Variants in PARD3B observed in about 807,000 individuals in gnomAD.
PARD3B encodes the protein par-3 family cell polarity regulator beta, also known as partitioning defective 3 homolog B.
Under a neutral mutation model 130.2 loss-of-function variants are expected in PARD3B, and 103 were observed. That is an observed-to-expected ratio of 0.79 (90% CI 0.67 to 0.93). The LOEUF is 0.93. Among genes scored for constraint, PARD3B ranks in the 40% least tolerant of loss-of-function variants. The pLI, the probability that PARD3B is intolerant of heterozygous loss-of-function variation, is 0.00. For missense variants in PARD3B, 1,609 were observed against 1,499.2 expected (o/e 1.07, Z -1.21); for synonymous variants, 583 against 553.2 (o/e 1.05, Z -0.76).
At chr2:205,262,500 C>T (rs1006522382) in intron 16 of PARD3B, among the ~76,000 whole-genome samples, 6 of 152,064 alleles carry the variant, frequency 3.9e-5, no homozygotes, top group African/African-American at 1.4e-4. Context: ...ATACATCTGC[C>T]CCTCTAGCTT....
At chr2:205,218,097 T>C (rs1352258285) in intron 15 of PARD3B, among the ~76,000 whole-genome samples, 1 of 151,688 alleles carries the variant, frequency 6.6e-6, no homozygotes, top group Non-Finnish European at 1.5e-5. Context: ...TTCACCATGT[T>C]GGTCAGGCTG....
intron 4 of PARD3B, among the ~76,000 whole-genome samples, chr2:205,088,851 T>C (rs1338268493): frequency 1.3e-5 from 2 of 151,694 alleles, no homozygotes; most frequent in Admixed American, 6.6e-5. Context: ...TGGAGTGTAG[T>C]GGCCTGATCT....
chr2:204,707,628 A>G (rs866521028), intron 2 of PARD3B, among the ~76,000 whole-genome samples: 2 of 152,142 alleles, frequency 1.3e-5, no homozygotes, highest in South Asian at 2.1e-4. Flanking sequence ...TTGTGCATAC[A>G]CACAAACCTT....
intron 2 of PARD3B, among the ~76,000 whole-genome samples, chr2:204,708,380 G>A (rs1208794015): frequency 6.6e-6 from 1 of 152,160 alleles, no homozygotes; most frequent in Non-Finnish European, 1.5e-5. Context: ...ATTTCATATA[G>A]AAGAACTAAT....
chr2:205,052,423 A>ATATATATATATATATG (rs1699265104), intron 4 of PARD3B, among the ~76,000 whole-genome samples: 2 of 13,426 alleles, frequency 1.5e-4, no homozygotes, highest in East Asian at 4.8e-3. Context: ...ATATATGTAT[A>ATATATATATATATATG]TATATATATA....
chr2:205,207,368 A>G (rs1206106946), intron 15 of PARD3B, among the ~76,000 whole-genome samples: 2 of 147,746 alleles, frequency 1.4e-5, no homozygotes, highest in Non-Finnish European at 3.0e-5. Context: ...AACTAAAATC[A>G]GAGCAGAACT....
chr2:204,938,534 T>G (rs553174902), intron 2 of PARD3B, among the ~76,000 whole-genome samples: 2 of 152,352 alleles, frequency 1.3e-5, no homozygotes, highest in East Asian at 3.9e-4. Context: ...CTCTTATAAC[T>G]TCTTACACCT....
chr2:204,834,212 T>C (rs2043944526), intron 2 of PARD3B, among the ~76,000 whole-genome samples: 1 of 152,234 alleles, frequency 6.6e-6, no homozygotes, highest in Non-Finnish European at 1.5e-5. Context: ...TTTGTGAATA[T>C]TTGCTTTATG....
chr2:205,391,626 G>A (rs977149139), intron 18 of PARD3B, among the ~76,000 whole-genome samples: 1 of 152,190 alleles, frequency 6.6e-6, no homozygotes, highest in African/African-American at 2.4e-5. Flanking sequence ...TTTGAAGCCA[G>A]TGAAAGTGTA....
intron 15 of PARD3B, among the ~76,000 whole-genome samples, chr2:205,203,896 A>G (rs536352821): frequency 7.9e-5 from 12 of 152,304 alleles, no homozygotes; most frequent in Non-Finnish European, 1.6e-4. Flanking sequence ...TATTGTGAAT[A>G]GTGCCGCAAT....
intron 1 of PARD3B, among the ~76,000 whole-genome samples, chr2:204,645,877 A>G (rs2125160509): frequency 1.3e-5 from 2 of 152,152 alleles, no homozygotes; most frequent in Non-Finnish European, 2.9e-5. Flanking sequence ...TATCTGGATA[A>G]TCAATGTATT....
At chr2:204,865,671 C>G (rs780567914) in intron 2 of PARD3B, among the ~76,000 whole-genome samples, 1 of 152,084 alleles carries the variant, frequency 6.6e-6, no homozygotes, top group South Asian at 2.1e-4. Flanking sequence ...AAAGACTACA[C>G]CTTGGGTACA....
intron 2 of PARD3B, among the ~76,000 whole-genome samples, chr2:204,762,334 G>C (rs984773965): frequency 1.3e-5 from 2 of 151,708 alleles, no homozygotes; most frequent in Admixed American, 6.6e-5. Context: ...GGATGGTCTC[G>C]ATCTCCTGTC....
intron 1 of PARD3B, among the ~76,000 whole-genome samples, chr2:204,655,162 G>C (rs1376915666): frequency 1.3e-5 from 2 of 152,134 alleles, no homozygotes; most frequent in Non-Finnish European, 2.9e-5. Flanking sequence ...TCTCCCCTTA[G>C]TTCTATAGCT....
At chr2:205,167,062 C>CT (rs1342391812) in intron 11 of PARD3B, among the ~76,000 whole-genome samples, 1 of 152,180 alleles carries the variant, frequency 6.6e-6, no homozygotes, top group African/African-American at 2.4e-5. Flanking sequence ...CCTTGGCTTT[C>CT]TTACTTTTCC....
chr2:205,036,475 C>A (rs1697902308), intron 3 of PARD3B, among the ~76,000 whole-genome samples: 1 of 145,988 alleles, frequency 6.8e-6, no homozygotes. Flanking sequence ...ATATAGCGGA[C>A]TATATATATA....
In PARD3B at chr2:205,446,047, G is replaced by A. The variant is rs558695604; in HGVS notation, c.3044+5375G>A. On this transcript the variant is annotated intron_variant, in intron 20 of 22. Coordinates refer to ENST00000406610, the MANE Select transcript of PARD3B (RefSeq NM_001302769.2). The surrounding 1 kb of genome is among the most constrained non-coding windows in gnomAD (Gnocchi z 4.4). ...AGAACACAGTGTGGAAAGTGCAGCCGAAGAGTAAGTGCAGGGTACTGTTTG... is the reference window on the plus strand; with the variant it reads ...AGAACACAGTGTGGAAAGTGCAGCCAAAGAGTAAGTGCAGGGTACTGTTTG... Among the ~76,000 whole-genome samples, 17 of 152,260 alleles carry A rather than the reference G, an allele frequency of 1.1e-4. No individual in the cohort carries two copies. Among genetic ancestry groups the A allele is most frequent in the African/African-American group, 2.4e-4 (10 of 41,522 alleles).
chr2:205,163,182 G>A (rs574334315), intron 11 of PARD3B, among the ~76,000 whole-genome samples: 62 of 152,266 alleles, frequency 4.1e-4, no homozygotes, highest in African/African-American at 1.4e-3. Flanking sequence ...GGAGTGGTAT[G>A]TCTCCTACTG....
intron 20 of PARD3B, among the ~76,000 whole-genome samples, chr2:205,479,191 G>A (rs1244272520): frequency 2.0e-5 from 3 of 152,252 alleles, no homozygotes; most frequent in Non-Finnish European, 4.4e-5. Flanking sequence ...AGATGAAGGT[G>A]GTGTTGAGCG....
Sources: allele counts gnomAD v4.1 joint callset (sites outside exome capture counted in the v4.1 genomes callset), GRCh38; gene constraint gnomAD v4.1.1; non-coding constraint Gnocchi (gnomAD v3.1); transcripts MANE v1.5; gene names NCBI Gene and HGNC (gene_info 2026-07-23, HGNC 2026-07-21).